THNSL1: variants seen among roughly 807,000 people sequenced by gnomAD.
THNSL1 encodes the protein threonine synthase-like 1.
A neutral mutation model predicts 50.4 loss-of-function variants in THNSL1; 48 were observed. That is an observed-to-expected ratio of 0.95 (90% CI 0.76 to 1.21). The LOEUF (loss-of-function observed/expected upper bound fraction) is 1.21, where lower values mean the gene tolerates loss of function less well. THNSL1 is among the 50% of genes most tolerant of loss of function. THNSL1 has a pLI of 0.00. For missense variants in THNSL1, 896 were observed against 871.7 expected (o/e 1.03, Z -0.35); for synonymous variants, 309 against 306.1 (o/e 1.01, Z -0.10).
chr10:25,024,603 A>T lies in THNSL1; in HGVS notation c.1380A>T (p.Glu460Asp), dbSNP rs769734278. ...ATTTTACTGGCTTTCTTACTGTGGA[A>T]TATGGAACAATCTTAAGTTCGGCTA... ...DSDFTGFLTV[E>D]YGTILSSANS... Residue 460 changes from glutamate to aspartate, a missense_variant, in exon 3 of 3, where the codon GAA becomes GAT. Glu to Asp is a conservative substitution (Grantham distance 45, BLOSUM62 2). Coordinates refer to ENST00000376356, the MANE Select transcript of THNSL1 (RefSeq NM_024838.5). 2 of 1,614,238 alleles carry T rather than the reference A, an allele frequency of 1.2e-6. No homozygotes were observed. Among genetic ancestry groups the T allele is most frequent in the Admixed American group, 1.7e-5 (1 of 60,024 alleles).
chr10:25,026,068 G>T lies in THNSL1; in HGVS notation c.*613G>T. ...TAATTTTTTTATTTTTAATAGAGATGAGGTTTCGCCATGTTTTCCAGGCTG... is the reference window on the plus strand; with the variant it reads ...TAATTTTTTTATTTTTAATAGAGATTAGGTTTCGCCATGTTTTCCAGGCTG... On this transcript the variant is annotated 3_prime_UTR_variant, in exon 3 of 3. Transcript: ENST00000376356. The T allele has an allele frequency of 6.5e-6, 1 of 154,196 alleles. No individual in the cohort carries two copies. 9.6% of individuals were successfully genotyped at this position (154,196 alleles called of 1,614,324 possible).
Position 25,025,810 on chromosome 10 carries a change from A to G in THNSL1, c.*355A>G, listed in dbSNP as rs1850839789. 2 of 200,338 alleles carry G rather than the reference A, an allele frequency of 1.0e-5. No individual in the cohort carries two copies. The highest frequency in any genetic ancestry group is 1.3e-4 in the East Asian group (1 of 7,600). 12.4% of individuals were successfully genotyped at this position (200,338 alleles called of 1,614,324 possible). A position where few individuals can be genotyped will look rare whatever the true frequency, so the allele number is the denominator to read the frequency against. ...TATTTAAGCCCAGTTTTCAGGTACT[A>G]CATCTGTAACTAGTGAATACTCTGT... On this transcript the variant is annotated 3_prime_UTR_variant, in exon 3 of 3. Transcript: ENST00000376356.
At chr10:24,955,954 A>G in the THNSL1 span, among the ~76,000 whole-genome samples, 1 of 151,870 alleles carries the variant, frequency 6.6e-6, no homozygotes, top group African/African-American at 2.4e-5. Flanking sequence ...CCCTACAAAC[A>G]AATAATAATA....
At chr10:24,996,454 G>GTATATATATATATATA in the THNSL1 span, among the ~76,000 whole-genome samples, 3 of 149,396 alleles carry the variant, frequency 2.0e-5, no homozygotes, top group Non-Finnish European at 2.9e-5. Context: ...GTGTGTGTGT[G>GTATATATATATATATA]TGTATATATA....
the THNSL1 span, among the ~76,000 whole-genome samples, chr10:24,974,685 G>A: frequency 1.4e-4 from 22 of 152,084 alleles, no homozygotes; most frequent in African/African-American, 3.6e-4. Context: ...GGTTAATACC[G>A]AAATAACTAG....
the THNSL1 span, among the ~76,000 whole-genome samples, chr10:24,990,788 G>A: frequency 6.6e-6 from 1 of 152,140 alleles, no homozygotes; most frequent in Non-Finnish European, 1.5e-5. Context: ...GTAGATTCCT[G>A]CCTTTTAAAA....
chr10:24,997,462 C>T, the THNSL1 span, among the ~76,000 whole-genome samples: 1 of 151,128 alleles, frequency 6.6e-6, no homozygotes, highest in Admixed American at 6.6e-5. Flanking sequence ...TCATAGCTCA[C>T]TGCAGCCTCA....
rs1564351234 is a variant in THNSL1, at chr10:25,025,421, A to AT, written c.2199dup (p.Val734CysfsTer21). On this transcript the variant is annotated frameshift_variant, in exon 3 of 3. Transcript: ENST00000376356. LOFTEE classifies it high-confidence loss of function. ...GCTGATATGAATGTCTTGAAGAGTCATGTGGAACAACTTGTCCAAAATCAA... is the reference window on the plus strand; with the variant it reads ...GCTGATATGAATGTCTTGAAGAGTCATTGTGGAACAACTTGTCCAAAATCAA... The AT allele has an allele frequency of 1.2e-6, 2 of 1,610,544 alleles. No individual in the cohort carries two copies. The highest frequency in any genetic ancestry group is 2.2e-5 in the South Asian group (2 of 89,952).
At chr10:24,975,521 G>A in the THNSL1 span, among the ~76,000 whole-genome samples, 23 of 152,160 alleles carry the variant, frequency 1.5e-4, no homozygotes, top group African/African-American at 4.8e-4. Context: ...AGAGACTGAC[G>A]GGAGGGAGGT....
At chr10:25,015,766 A>G (rs762383877), upstream of THNSL1, 143 of 1,155,396 alleles carry the variant, frequency 1.2e-4, no homozygotes, top group Non-Finnish European at 1.6e-4. Flanking sequence ...AATACATTTT[A>G]TTTATTATTA....
the THNSL1 span, chr10:24,984,746 T>C: frequency 2.5e-4 from 396 of 1,608,276 alleles, 2 homozygotes; most frequent in African/African-American, 4.8e-3. Flanking sequence ...TTATTGGCAA[T>C]ATAAATAATC....
rs755877671 is a variant in THNSL1 at position 25,024,725 on chromosome 10, C to G, written c.1502C>G (p.Pro501Arg). Residue 501 changes from proline to arginine, a missense_variant, in exon 3 of 3, where the codon CCA becomes CGA. Pro to Arg is a moderately radical substitution (Grantham distance 103). Coordinates refer to ENST00000376356, the MANE Select transcript of THNSL1 (RefSeq NM_024838.5). ...CAAGGATTTATTTCTTTTGGAAGCC[C>G]AGTCGATGTCTGTATTCCCACAGGA... ...VSQGFISFGSPVDVCIPTGNF... is the reference protein window; with the variant it reads ...VSQGFISFGSRVDVCIPTGNF... 20 of 1,613,984 alleles carry G rather than the reference C, an allele frequency of 1.2e-5. No homozygotes were observed. The highest frequency in any genetic ancestry group is 1.5e-5 in the Non-Finnish European group (18 of 1,180,028).
At chr10:25,016,072 T>A, upstream of THNSL1, 1 of 1,405,504 alleles carries the variant, frequency 7.1e-7, no homozygotes, top group Non-Finnish European at 9.3e-7. Flanking sequence ...CTCCTTCACA[T>A]CGTCCCCCTT....
At chr10:24,984,301 A>G in the THNSL1 span, 2 of 1,550,046 alleles carry the variant, frequency 1.3e-6, no homozygotes, top group Non-Finnish European at 1.8e-6. Context: ...AGTTTAGAGT[A>G]GCAAGAAGGC....
chr10:25,001,132 T>G, the THNSL1 span, among the ~76,000 whole-genome samples: 1 of 152,088 alleles, frequency 6.6e-6, no homozygotes, highest in African/African-American at 2.4e-5. Flanking sequence ...TTTACCCATA[T>G]ATTTGCCATT....
upstream of THNSL1, among the ~76,000 whole-genome samples, chr10:25,016,322 T>C (rs531976599): frequency 6.6e-6 from 1 of 152,322 alleles, no homozygotes; most frequent in South Asian, 2.1e-4. Context: ...GAAAATGATG[T>C]CCCCTTAAAA....
chr10:24,974,837 G>A, the THNSL1 span, among the ~76,000 whole-genome samples: 1 of 152,070 alleles, frequency 6.6e-6, no homozygotes, highest in African/African-American at 2.4e-5. Flanking sequence ...AACGTTTTGG[G>A]TACATTACAA....
the THNSL1 span, among the ~76,000 whole-genome samples, chr10:25,006,261 G>C: frequency 6.6e-6 from 1 of 152,102 alleles, no homozygotes; most frequent in Non-Finnish European, 1.5e-5. Context: ...GAGGGCAACA[G>C]TAGACTTATG....
the THNSL1 span, among the ~76,000 whole-genome samples, chr10:24,987,957 A>G: frequency 2.6e-5 from 4 of 152,090 alleles, no homozygotes; most frequent in Admixed American, 2.6e-4. Context: ...AGATTGGCTC[A>G]CGCCTGTAAT....
Sources: allele counts gnomAD v4.1 joint callset (sites outside exome capture counted in the v4.1 genomes callset), GRCh38; gene constraint gnomAD v4.1.1; transcripts MANE v1.5; gene names NCBI Gene and HGNC (gene_info 2026-07-23, HGNC 2026-07-21).